CAVIN2: variants seen among roughly 807,000 people sequenced by gnomAD.
CAVIN2 encodes the protein caveolae-associated protein 2.
A neutral mutation model predicts 11.7 loss-of-function variants in CAVIN2; 13 were observed. The ratio of observed to expected loss-of-function variants is 1.11; its 90% confidence interval spans 0.72 to 1.77. The LOEUF (loss-of-function observed/expected upper bound fraction) is 1.77, where lower values mean the gene tolerates loss of function less well. CAVIN2 is among the 40% of genes most tolerant of loss of function. CAVIN2 has a pLI of 0.00. For synonymous variants in CAVIN2, 237 were observed against 223.2 expected, an observed-to-expected ratio of 1.06 and a Z score of -0.55; for missense variants, 549 against 542.9, an observed-to-expected ratio of 1.01 and a Z score of -0.11.
chr2:191,841,317 A>C (rs530376856), intron 1 of CAVIN2, among the ~76,000 whole-genome samples: 1 of 152,346 alleles, frequency 6.6e-6, no homozygotes, highest in South Asian at 2.1e-4. Flanking sequence ...AAAAAACCAA[A>C]GCACACTGAA....
At chr2:191,837,299 G>A (rs978678025) in intron 1 of CAVIN2, among the ~76,000 whole-genome samples, 1 of 152,192 alleles carries the variant, frequency 6.6e-6, no homozygotes, top group Admixed American at 6.5e-5. Context: ...ATTTTGCTGA[G>A]GACATCGTTT....
chr2:191,844,790 C>A (rs929052907), intron 1 of CAVIN2, among the ~76,000 whole-genome samples: 3 of 152,216 alleles, frequency 2.0e-5, no homozygotes, highest in East Asian at 3.9e-4. Flanking sequence ...ATCCCTCCCC[C>A]CAACATCTGC....
At chr2:191,846,302 G>A in intron 1 of CAVIN2, 141 bp downstream of exon 1, 1 of 1,048,288 alleles carries the variant, frequency 9.5e-7, no homozygotes, top group East Asian at 2.6e-5. Flanking sequence ...CTTTCCGCAG[G>A]CAGACAGGGG....
At chr2:191,846,376 G>C in intron 1 of CAVIN2, 67 bp downstream of exon 1, 2 of 1,500,718 alleles carry the variant, frequency 1.3e-6, no homozygotes, top group Admixed American at 4.2e-5. Flanking sequence ...GTGAGAGCCA[G>C]GATGAGCGAG....
chr2:191,835,974 G>A lies in CAVIN2; in HGVS notation c.1227C>T (p.Ser409=), dbSNP rs767951134. 3 of 1,614,060 alleles carry A rather than the reference G, an allele frequency of 1.9e-6. No individual in the cohort carries two copies. The highest frequency in any genetic ancestry group is 1.3e-5 in the African/African-American group (1 of 75,054). Residue 409 remains serine (S), a synonymous_variant, in exon 2 of 2, where the codon TCC becomes TCT. Coordinates refer to ENST00000304141, the MANE Select transcript of CAVIN2 (RefSeq NM_004657.6). The part of the protein sequence containing the change: ...YALTSEEAER[S]DGDPVQPAVL... Reference sequence around the variant, plus strand: ...CGGCGGGCTGCACGGGGTCCCCATCGGAGCGCTCCGCCTCCTCGGATGTTA... The same window carrying A: ...CGGCGGGCTGCACGGGGTCCCCATCAGAGCGCTCCGCCTCCTCGGATGTTA...
intron 1 of CAVIN2, among the ~76,000 whole-genome samples, chr2:191,839,978 T>C (rs1290246906): frequency 6.6e-6 from 1 of 152,162 alleles, no homozygotes; most frequent in Non-Finnish European, 1.5e-5. Context: ...GTGAAGTAAC[T>C]CTTATGGTGG....
intron 1 of CAVIN2, among the ~76,000 whole-genome samples, chr2:191,841,478 C>T (rs1574195283): frequency 6.6e-6 from 1 of 152,238 alleles, no homozygotes; most frequent in East Asian, 1.9e-4. Flanking sequence ...TTCTCAGGGC[C>T]TCTGTTTCTT....
chr2:191,841,536 C>G (rs996902526), intron 1 of CAVIN2, among the ~76,000 whole-genome samples: 1 of 152,120 alleles, frequency 6.6e-6, no homozygotes, highest in African/African-American at 2.4e-5. Flanking sequence ...TGCTTTCCAG[C>G]TCTAACATGT....
chr2:191,837,525 A>C (rs936646333), intron 1 of CAVIN2, among the ~76,000 whole-genome samples: 3 of 152,158 alleles, frequency 2.0e-5, no homozygotes, highest in African/African-American at 7.2e-5. Context: ...ACTTCCAGCG[A>C]AGAGTGAGGA....
intron 1 of CAVIN2, among the ~76,000 whole-genome samples, chr2:191,841,891 A>G (rs918418511): frequency 1.3e-5 from 2 of 152,254 alleles, no homozygotes; most frequent in African/African-American, 4.8e-5. Flanking sequence ...AATAATAACA[A>G]TAAGAACTAA....
Position 191,835,716 on chromosome 2 carries a change from A to G in CAVIN2, c.*207T>C, listed in dbSNP as rs1690003220. On this transcript the variant is annotated 3_prime_UTR_variant, in exon 2 of 2. Transcript: ENST00000304141. The stretch of plus-strand genomic sequence containing the variant: ...GAGACATTCTACAGAGATAGAACCT[A>G]AGAGCAAATTAAAAGTGGAGTCCGT... 2 of 548,082 alleles carry G rather than the reference A, an allele frequency of 3.6e-6. No individual in the cohort carries two copies. Among genetic ancestry groups the G allele is most frequent in the Non-Finnish European group, 6.4e-6 (2 of 311,578 alleles). 34.0% of individuals were successfully genotyped at this position (548,082 alleles called of 1,614,324 possible). A position where few individuals can be genotyped will look rare whatever the true frequency, so the allele number is the denominator to read the frequency against.
chr2:191,840,970 C>G (rs1046173638), intron 1 of CAVIN2, among the ~76,000 whole-genome samples: 3 of 152,292 alleles, frequency 2.0e-5, no homozygotes, highest in African/African-American at 7.2e-5. Flanking sequence ...CCAATAATCT[C>G]TAAATACTAG....
At chr2:191,844,508 G>A (rs1338299450) in intron 1 of CAVIN2, among the ~76,000 whole-genome samples, 1 of 152,130 alleles carries the variant, frequency 6.6e-6, no homozygotes, top group East Asian at 1.9e-4. Flanking sequence ...CTTGGGGATT[G>A]TTTTCTAAAG....
At position 191,847,039 on chromosome 2, in the gene CAVIN2, T is replaced by TC; in HGVS notation, c.-115dup. The TC allele has an allele frequency of 7.4e-7, 1 of 1,357,086 alleles. No individual in the cohort carries two copies. Among genetic ancestry groups the TC allele is most frequent in the Non-Finnish European group, 9.9e-7 (1 of 1,009,000 alleles). 84.1% of individuals were successfully genotyped at this position (1,357,086 alleles called of 1,614,324 possible). A position where few individuals can be genotyped will look rare whatever the true frequency, so the allele number is the denominator to read the frequency against. On this transcript the variant is annotated 5_prime_UTR_variant, in exon 1 of 2. Coordinates refer to ENST00000304141, the MANE Select transcript of CAVIN2 (RefSeq NM_004657.6). ...CGCTGGTTGGAGCTCAGGGCACCAG[T>TC]CTCCAGGACTGGCAGAGGTTCAGAC...
chr2:191,844,417 T>C (rs1690136706), intron 1 of CAVIN2, among the ~76,000 whole-genome samples: 2 of 152,200 alleles, frequency 1.3e-5, no homozygotes, highest in South Asian at 4.1e-4. Flanking sequence ...TTTAGGCTAA[T>C]AAAGGATCTT....
Position 191,834,943 on chromosome 2 carries a change from A to T in CAVIN2, c.*980T>A, listed in dbSNP as rs1689990656. The T allele has an allele frequency of 6.6e-6, 1 of 152,104 alleles. No homozygotes were observed. Among genetic ancestry groups the T allele is most frequent in the Admixed American group, 6.5e-5 (1 of 15,282 alleles). 9.4% of individuals were successfully genotyped at this position (152,104 alleles called of 1,614,324 possible). On this transcript the variant is annotated 3_prime_UTR_variant, in exon 2 of 2. Transcript: ENST00000304141. ...AGTTTCCACAAAACAGTATATATTA[A>T]TTGTATTTTGAAGATTTATATTCGT... is the stretch of plus-strand genomic sequence containing the variant.
intron 1 of CAVIN2, among the ~76,000 whole-genome samples, chr2:191,845,199 A>G (rs1175407236): frequency 6.6e-6 from 1 of 152,262 alleles, no homozygotes; most frequent in Non-Finnish European, 1.5e-5. Context: ...AGAGGAGGAC[A>G]TAGGCTCCCT....
Position 191,846,590 on chromosome 2 carries a change from G to C in CAVIN2, c.336C>G (p.Ser112Arg). Residue 112 changes from serine to arginine, a missense_variant, in exon 1 of 2, where the codon AGC becomes AGG. Ser to Arg is a moderately radical substitution (Grantham distance 110). Coordinates refer to ENST00000304141, the MANE Select transcript of CAVIN2 (RefSeq NM_004657.6). The stretch of plus-strand genomic sequence containing the variant: ...CCTTGCGGGACTTCTCCAGCAGCTT[G>C]CTCACCGTGTTGCTGGTGGAGGCCT... ...KYQASTSNTV[S>R]KLLEKSRKVS... 1 of 1,614,260 alleles carries C rather than the reference G, an allele frequency of 6.2e-7. No individual in the cohort carries two copies. The highest frequency in any genetic ancestry group is 1.3e-5 in the African/African-American group (1 of 75,082).
At chr2:191,837,230 A>G (rs1690036620) in intron 1 of CAVIN2, among the ~76,000 whole-genome samples, 1 of 152,180 alleles carries the variant, frequency 6.6e-6, no homozygotes. Context: ...TCCCTCTCCA[A>G]CTAGGAGTCA....
Sources: gnomAD v4.1 joint callset for allele counts (sites outside exome capture counted in the v4.1 genomes callset) on GRCh38, gnomAD v4.1.1 for gene constraint, MANE v1.5 for transcripts, NCBI Gene and HGNC (gene_info 2026-07-23, HGNC 2026-07-21) for gene names.